The following CCDC6 variants were observed in gnomAD, a reference collection of about 807,000 sequenced individuals.
CCDC6 encodes coiled-coil domain containing 6, also known as coiled-coil domain-containing protein 6.
In CCDC6, 20 loss-of-function variants were observed where a neutral mutation model predicts 56.6. The ratio of observed to expected loss-of-function variants is 0.35; its 90% CI spans 0.25 to 0.51. The LOEUF (loss-of-function observed/expected upper bound fraction) is 0.51, where lower values mean the gene tolerates loss of function less well. CCDC6 is among the 20% of genes least tolerant of loss of function. The pLI, the probability that CCDC6 is intolerant of heterozygous loss-of-function variation, is 0.95. For synonymous variants in CCDC6, 241 were observed against 234.4 expected (o/e 1.03, Z -0.26); for missense variants, 367 against 601.1 (o/e 0.61, Z 4.07).
intron 7 of CCDC6, among the ~76,000 whole-genome samples, chr10:59,797,406 T>C (rs2070530110): frequency 1.3e-5 from 2 of 151,580 alleles, no homozygotes; most frequent in South Asian, 4.2e-4. Flanking sequence ...AGTCAAACCC[T>C]GTCAGGAATT....
rs879719647 is a variant in CCDC6, at chr10:59,803,318, T to TA, written c.1105+1101dup. On this transcript the variant is annotated intron_variant, in intron 7 of 8. Coordinates refer to ENST00000263102, the MANE Select transcript of CCDC6 (RefSeq NM_005436.5). Reference sequence around the variant, plus strand: ...ACTTTAACTTTTGATTGCCTCCTCTTAAAAAAAAAAAAAGTTAATGGCAGC... The same window carrying TA: ...ACTTTAACTTTTGATTGCCTCCTCTTAAAAAAAAAAAAAAGTTAATGGCAGC... 8.8e-3 allele frequency among the ~76,000 whole-genome samples: 1,280 copies of TA among 145,030 alleles called. 14 individuals carry two copies. Among genetic ancestry groups the TA allele is most frequent in the African/African-American group, 0.029 (1,147 of 39,732 alleles).
intron 7 of CCDC6, among the ~76,000 whole-genome samples, chr10:59,796,469 G>GA (rs2070520309): frequency 1.3e-5 from 2 of 152,074 alleles, no homozygotes; most frequent in Admixed American, 6.5e-5. Flanking sequence ...AGGATACGGA[G>GA]AAAAAATCCT....
chr10:59,811,469 T>C (rs1240926938), intron 5 of CCDC6, among the ~76,000 whole-genome samples: 1 of 152,206 alleles, frequency 6.6e-6, no homozygotes, highest in Non-Finnish European at 1.5e-5. Context: ...TCCACTGGTA[T>C]GGGACTAGTT....
At chr10:59,813,879 A>G (rs975803186) in intron 4 of CCDC6, among the ~76,000 whole-genome samples, 1 of 152,198 alleles carries the variant, frequency 6.6e-6, no homozygotes, top group African/African-American at 2.4e-5. Flanking sequence ...ACTCAAAACA[A>G]TTACAAATAT....
At chr10:59,851,943 G>A (rs1344454092) in intron 2 of CCDC6, among the ~76,000 whole-genome samples, 1 of 151,966 alleles carries the variant, frequency 6.6e-6, no homozygotes, top group Non-Finnish European at 1.5e-5. Flanking sequence ...AAAGGAGGGG[G>A]AGAGAATGAG....
chr10:59,882,591 G>A lies in CCDC6; in HGVS notation c.303+23531C>T, dbSNP rs147647280. Reference sequence around the variant, plus strand: ...GCGGGGAGAAGGAAAGGAAAGCCGCGGGGAGAAGGAAAGGAAAGCCGGCGG... The same window carrying A: ...GCGGGGAGAAGGAAAGGAAAGCCGCAGGGAGAAGGAAAGGAAAGCCGGCGG... On this transcript the variant is annotated intron_variant, in intron 1 of 8. Transcript: ENST00000263102. 7.0e-4 allele frequency among the ~76,000 whole-genome samples: 31 copies of A among 44,416 alleles called. 13 individuals are homozygous for A. The highest frequency in any genetic ancestry group is 1.5e-3 in the Admixed American group (6 of 4,136). The allele number at this position is 44,416 out of a possible 152,430, so 29.1% of individuals were successfully genotyped here.
chr10:59,895,053 G>A (rs1478886472), intron 1 of CCDC6, among the ~76,000 whole-genome samples: 2 of 152,162 alleles, frequency 1.3e-5, no homozygotes, highest in South Asian at 2.1e-4. Flanking sequence ...TGTAATCCCA[G>A]GACTTTGGGA....
intron 2 of CCDC6, among the ~76,000 whole-genome samples, chr10:59,839,524 C>T (rs768393217): frequency 6.6e-6 from 1 of 152,044 alleles, no homozygotes; most frequent in Non-Finnish European, 1.5e-5. Context: ...TCATGGTCTG[C>T]CCCAAAGCCC....
intron 1 of CCDC6, among the ~76,000 whole-genome samples, chr10:59,857,302 A>G (rs986753315): frequency 6.6e-6 from 1 of 152,228 alleles, no homozygotes; most frequent in East Asian, 1.9e-4. Context: ...AAATTAAATT[A>G]GCATAATTTT....
chr10:59,816,095 A>G (rs974743992), intron 3 of CCDC6, among the ~76,000 whole-genome samples: 18 of 152,210 alleles, frequency 1.2e-4, no homozygotes, highest in African/African-American at 4.3e-4. Flanking sequence ...AGAGCAAAAG[A>G]CTTGCCCATA....
chr10:59,819,512 T>C (rs1044675513), intron 3 of CCDC6, among the ~76,000 whole-genome samples: 1 of 152,178 alleles, frequency 6.6e-6, no homozygotes, highest in Non-Finnish European at 1.5e-5. Flanking sequence ...CCAAATCCTA[T>C]ATACTTAGAG....
chr10:59,884,838 C>T (rs1316148539), intron 1 of CCDC6, among the ~76,000 whole-genome samples: 1 of 152,054 alleles, frequency 6.6e-6, no homozygotes, highest in African/African-American at 2.4e-5. Context: ...CCGAGGCGGG[C>T]AGATCACTTG....
chr10:59,821,654 T>C (rs1328945158), intron 3 of CCDC6, among the ~76,000 whole-genome samples: 7 of 151,774 alleles, frequency 4.6e-5, no homozygotes, highest in Non-Finnish European at 1.0e-4. Flanking sequence ...ACAGAAAGAG[T>C]TGAGGGAAGT....
chr10:59,883,963 T>C (rs897052434), intron 1 of CCDC6, among the ~76,000 whole-genome samples: 1 of 152,174 alleles, frequency 6.6e-6, no homozygotes, highest in African/African-American at 2.4e-5. Context: ...ACCACCACCT[T>C]CTTATGTGAC....
At chr10:59,793,132 G>A (rs749592090) in intron 8 of CCDC6, 21 bp from the exon 9 acceptor site, 22 of 1,608,530 alleles carry the variant, frequency 1.4e-5, no homozygotes, top group Non-Finnish European at 8.5e-7. Context: ...GACAGGAACA[G>A]CAAGTCAGTC....
At chr10:59,868,525 C>T (rs2071197472) in intron 1 of CCDC6, among the ~76,000 whole-genome samples, 1 of 152,224 alleles carries the variant, frequency 6.6e-6, no homozygotes, top group African/African-American at 2.4e-5. Context: ...TAAAACCCCA[C>T]ATCTCATTTG....
intron 5 of CCDC6, 110 bp from the exon 6 acceptor site, chr10:59,807,188 C>T (rs570025266): frequency 2.1e-6 from 2 of 973,358 alleles, no homozygotes; most frequent in South Asian, 3.3e-5. Flanking sequence ...GGAATTGTTA[C>T]AAGATGGTCT....
chr10:59,881,004 T>C (rs2450471), intron 1 of CCDC6, among the ~76,000 whole-genome samples: 115,711 of 151,366 alleles, frequency 0.76, 44,486 homozygotes, highest in East Asian at 0.9. Context: ...AGCAGAGCGT[T>C]GTCTGCCCGA....
intron 1 of CCDC6, among the ~76,000 whole-genome samples, chr10:59,877,514 A>G (rs2071294620): frequency 6.6e-6 from 1 of 152,206 alleles, no homozygotes; most frequent in South Asian, 2.1e-4. Flanking sequence ...TATAAAAAAA[A>G]TCTGCACCAG....
Sources: gnomAD v4.1 joint callset for allele counts (sites outside exome capture counted in the v4.1 genomes callset) on GRCh38, gnomAD v4.1.1 for gene constraint, MANE v1.5 for transcripts, NCBI Gene and HGNC (gene_info 2026-07-23, HGNC 2026-07-21) for gene names.